KMT2C: variants seen among roughly 807,000 people sequenced by gnomAD.
KMT2C encodes the protein histone-lysine N-methyltransferase 2C.
In KMT2C, 88 loss-of-function variants were observed where a neutral mutation model predicts 507.9. The observed-to-expected ratio is 0.17, with a 90% CI of 0.15 to 0.21. The LOEUF is 0.21. KMT2C is among the 10% of genes least tolerant of loss of function. The probability of loss-of-function intolerance (pLI) is 1.00; values close to 1 mark genes in which losing one functional copy is unlikely to be tolerated. For synonymous variants in KMT2C, 2,049 were observed against 2,080.8 expected (o/e 0.98, Z 0.42); for missense variants, 4,954 against 5,957.8 (o/e 0.83, Z 5.55).
chr7:152,138,740 G>C lies in KMT2C; in HGVS notation c.14643+56C>G, dbSNP rs1228591965. On this transcript the variant is annotated intron_variant, in intron 58 of 58. Transcript: ENST00000262189. This position sits in a 1 kb window ranked among gnomAD's most constrained non-coding sequence, Gnocchi z 4.2. ...TGAGTAAGTGACCTGTGTGAGGAGGGAACTATTCGCCCAGGATCTGAACAA... is the reference window on the plus strand; with the variant it reads ...TGAGTAAGTGACCTGTGTGAGGAGGCAACTATTCGCCCAGGATCTGAACAA... 3 of 1,049,344 alleles carry C rather than the reference G, an allele frequency of 2.9e-6. No homozygotes were observed. The highest frequency in any genetic ancestry group is 4.3e-6 in the Non-Finnish European group (3 of 701,998). The allele number at this position is 1,049,344 out of a possible 1,614,324, so 65.0% of individuals were successfully genotyped here. A position where few individuals can be genotyped will look rare whatever the true frequency, so the allele number is the denominator to read the frequency against.
At chr7:152,348,201 A>G (rs544299039) in intron 2 of KMT2C, among the ~76,000 whole-genome samples, 1 of 152,342 alleles carries the variant, frequency 6.6e-6, no homozygotes, top group Admixed American at 6.5e-5. Flanking sequence ...AAAATTAATA[A>G]ACTTCGAATA....
intron 6 of KMT2C, among the ~76,000 whole-genome samples, chr7:152,304,802 A>G (rs2096600860): frequency 6.6e-6 from 1 of 152,168 alleles, no homozygotes; most frequent in African/African-American, 2.4e-5. Context: ...TGGCCTCCCA[A>G]CATGCTAGAA....
chr7:152,245,451 C>A (rs2095455846), intron 14 of KMT2C, among the ~76,000 whole-genome samples: 1 of 151,878 alleles, frequency 6.6e-6, no homozygotes, highest in African/African-American at 2.4e-5. Context: ...TTGAATATAC[C>A]AGGTTAAATA....
At chr7:152,413,555 A>T (rs927264289) in intron 1 of KMT2C, among the ~76,000 whole-genome samples, 1 of 152,180 alleles carries the variant, frequency 6.6e-6, no homozygotes, top group Non-Finnish European at 1.5e-5. Flanking sequence ...AAAATTCTAC[A>T]TAAGTTTCCA....
intron 6 of KMT2C, among the ~76,000 whole-genome samples, chr7:152,291,879 C>T (rs1588961074): frequency 1.3e-5 from 2 of 152,152 alleles, no homozygotes; most frequent in Admixed American, 6.5e-5. Flanking sequence ...TCTTTGTTTA[C>T]CTTAATAAAA....
intron 7 of KMT2C, among the ~76,000 whole-genome samples, chr7:152,270,820 T>C (rs1438464323): frequency 1.3e-5 from 2 of 152,222 alleles, no homozygotes; most frequent in African/African-American, 4.8e-5. Context: ...CATTTACCTA[T>C]GACAGAGCAC....
At chr7:152,309,823 G>A (rs139737161) in intron 6 of KMT2C, 143 bp downstream of exon 6, 2 of 593,562 alleles carry the variant, frequency 3.4e-6, no homozygotes, top group South Asian at 2.1e-5. Context: ...ACCTGGCCTA[G>A]AATTTCTCTT....
chr7:152,375,168 G>A (rs2097318958), intron 1 of KMT2C, among the ~76,000 whole-genome samples: 3 of 151,982 alleles, frequency 2.0e-5, no homozygotes, highest in South Asian at 2.1e-4. Context: ...TCAGCCTCAT[G>A]AGTAGCTGAG....
At chr7:152,187,068 G>A (rs1005820750) in intron 33 of KMT2C, among the ~76,000 whole-genome samples, 194 bp downstream of exon 33, 3 of 152,046 alleles carry the variant, frequency 2.0e-5, no homozygotes, top group African/African-American at 7.2e-5. Context: ...TAATTTTTGG[G>A]AAATATGAGG....
intron 3 of KMT2C, 55 bp from the exon 4 acceptor site, chr7:152,315,393 C>G: frequency 8.0e-7 from 1 of 1,248,538 alleles, no homozygotes; most frequent in Non-Finnish European, 1.2e-6. Flanking sequence ...TATTCAACTG[C>G]TTTAAGCGAT....
At chr7:152,147,463 C>T (rs1180694908) in intron 52 of KMT2C, among the ~76,000 whole-genome samples, 1 of 152,020 alleles carries the variant, frequency 6.6e-6, no homozygotes, top group Admixed American at 6.5e-5. Flanking sequence ...GCAGGTGGAT[C>T]ACCTGAGGTC....
intron 55 of KMT2C, among the ~76,000 whole-genome samples, chr7:152,141,065 C>A (rs997065097): frequency 6.6e-6 from 1 of 151,706 alleles, no homozygotes; most frequent in African/African-American, 2.4e-5. Context: ...CATGGTGAAA[C>A]CCCGTCTCTA....
At chr7:152,164,107 A>C (rs538283089) in intron 42 of KMT2C, among the ~76,000 whole-genome samples, 1 of 152,200 alleles carries the variant, frequency 6.6e-6, no homozygotes, top group Non-Finnish European at 1.5e-5. Context: ...TTAAAATCTT[A>C]TGGTGAAACT....
At position 152,182,957 on chromosome 7, in the gene KMT2C, A is replaced by G. The variant is rs1419060846; in HGVS notation, c.5265+17T>C. On this transcript the variant is annotated intron_variant, in intron 35 of 58. Transcript: ENST00000262189. ...AAAATGCAACTTCAAAAAGTAGATT[A>G]TCCAAAAATTCCATACCTGTCTAAA... is the stretch of plus-strand genomic sequence containing the variant. 1 of 1,538,278 alleles carries G rather than the reference A, an allele frequency of 6.5e-7. No individual in the cohort carries two copies. Among genetic ancestry groups the G allele is most frequent in the Non-Finnish European group, 8.7e-7 (1 of 1,146,228 alleles).
At position 152,136,054 on chromosome 7, in the gene KMT2C, CAA is replaced by C. The variant is rs1344500854; in HGVS notation, c.*776_*777del. ...ACTATTTTTATACTGTATTTTTTCTCAAAATATTTACATATCTGTACAAAGTA... is the reference window on the plus strand; with the variant it reads ...ACTATTTTTATACTGTATTTTTTCTCAATATTTACATATCTGTACAAAGTA... On this transcript the variant is annotated 3_prime_UTR_variant, in exon 59 of 59. Transcript: ENST00000262189. 4.5e-6 allele frequency: 1 copy of C among 220,326 alleles called. No individual in the cohort carries two copies. Among genetic ancestry groups the C allele is most frequent in the African/African-American group, 2.2e-5 (1 of 44,676 alleles). The allele number at this position is 220,326 out of a possible 1,614,324, so 13.6% of individuals were successfully genotyped here.
At chr7:152,430,519 T>C (rs2097855289) in intron 1 of KMT2C, among the ~76,000 whole-genome samples, 1 of 151,990 alleles carries the variant, frequency 6.6e-6, no homozygotes, top group Non-Finnish European at 1.5e-5. Context: ...CAGGCAAGAG[T>C]GCAGAGAGAC....
At chr7:152,326,908 T>C (rs966212552) in intron 3 of KMT2C, among the ~76,000 whole-genome samples, 3 of 152,186 alleles carry the variant, frequency 2.0e-5, no homozygotes, top group African/African-American at 7.2e-5. Flanking sequence ...ATAAAATTCA[T>C]TAAATTCAAT....
chr7:152,137,193 T>G (rs2089955328), intron 58 of KMT2C: 1 of 372,646 alleles, frequency 2.7e-6, no homozygotes, highest in Non-Finnish European at 5.0e-6. Flanking sequence ...TGACTTCTCA[T>G]AATGCTGTCC....
chr7:152,278,754 AT>A (rs1466054335), intron 6 of KMT2C, among the ~76,000 whole-genome samples: 4 of 152,208 alleles, frequency 2.6e-5, no homozygotes, highest in Non-Finnish European at 5.9e-5. Flanking sequence ...ATATTTCATA[AT>A]AACCTAAGTT....
Sources: allele counts gnomAD v4.1 joint callset (sites outside exome capture counted in the v4.1 genomes callset), GRCh38; gene constraint gnomAD v4.1.1; non-coding constraint Gnocchi (gnomAD v3.1); transcripts MANE v1.5; gene names NCBI Gene and HGNC (gene_info 2026-07-23, HGNC 2026-07-21).